FRMD6: variants seen among roughly 807,000 people sequenced by gnomAD.
FRMD6 encodes FERM domain containing 6.
In FRMD6, 37 loss-of-function variants were observed where a neutral mutation model predicts 73.2. The observed-to-expected ratio is 0.51, with a 90% CI of 0.39 to 0.66. The LOEUF (loss-of-function observed/expected upper bound fraction) is 0.66. FRMD6 is among the 30% of genes least tolerant of loss of function. The pLI is 0.00. For synonymous variants in FRMD6, 273 were observed against 282.2 expected, an observed-to-expected ratio of 0.97 and a Z score of 0.33; for missense variants, 714 against 780.5, an observed-to-expected ratio of 0.91 and a Z score of 1.02.
chr14:51,681,049 CA>C (rs1378854242), intron 1 of FRMD6, among the ~76,000 whole-genome samples: 1 of 152,156 alleles, frequency 6.6e-6, no homozygotes, highest in African/African-American at 2.4e-5. Context: ...CTCTTTATTG[CA>C]ATAGAAAGTT....
Position 51,651,951 on chromosome 14 carries a change from G to C in FRMD6, c.-192G>C, listed in dbSNP as rs1013112661. On this transcript the variant is annotated 5_prime_UTR_variant, in exon 1 of 14. Transcript: ENST00000344768. The stretch of plus-strand genomic sequence containing the variant: ...TCGGCGCCGGTAGGAAGAGTCAGAG[G>C]GGTGACCAGAGAGCCCAACGCCTGG... The C allele has an allele frequency of 1.5e-4, 23 of 152,242 alleles. No individual in the cohort carries two copies. The highest frequency in any genetic ancestry group is 5.3e-4 in the African/African-American group (22 of 41,426). The allele number at this position is 152,242 out of a possible 1,614,324, so 9.4% of individuals were successfully genotyped here.
In FRMD6 at chr14:51,539,861, G is replaced by C. The variant is rs554610007; in HGVS notation, c.-209-30487G>C. Reference sequence around the variant, plus strand: ...GGGTGGGGGGAGTAGAGGAAGGTGGGGAGTTGAAAAGATTCATTTACTTTC... The same window carrying C: ...GGGTGGGGGGAGTAGAGGAAGGTGGCGAGTTGAAAAGATTCATTTACTTTC... On this transcript the variant is annotated intron_variant, in intron 1 of 14. Coordinates refer to the FRMD6 transcript ENST00000356218. Among the ~76,000 whole-genome samples, 19 of 152,210 alleles carry C rather than the reference G, an allele frequency of 1.2e-4. No individual in the cohort carries two copies. In the South Asian group the frequency reaches 3.9e-3, roughly 32 times the overall value.
intron 1 of FRMD6, among the ~76,000 whole-genome samples, chr14:51,528,223 A>T (rs991412122): frequency 6.6e-6 from 1 of 152,198 alleles, no homozygotes; most frequent in Non-Finnish European, 1.5e-5. Flanking sequence ...GGAGTTGCCA[A>T]TTCCCACTTT....
upstream of FRMD6, chr14:51,651,558 G>C (rs1310172502): frequency 2.6e-5 from 4 of 152,298 alleles, no homozygotes; most frequent in African/African-American, 9.7e-5. Context: ...CTCCACAGCA[G>C]GGGGAAAGGC....
At position 51,641,294 on chromosome 14, in the gene FRMD6, T is replaced by TAAG. The variant is rs1318023602; in HGVS notation, c.-146-48395_-146-48393dup. Among the ~76,000 whole-genome samples the TAAG allele has an allele frequency of 2.0e-5, 3 of 152,218 alleles. No homozygotes were observed. The South Asian group carries it at 6.2e-4, about 32-fold the overall frequency. On this transcript the variant is annotated intron_variant, in intron 2 of 14. Coordinates refer to the FRMD6 transcript ENST00000356218. Reference sequence around the variant, plus strand: ...CCATGCCCTGCCTATTCTCCTCCTTTAAGACTTAATTTTTGTTCAATAAAT... The same window carrying TAAG: ...CCATGCCCTGCCTATTCTCCTCCTTTAAGAAGACTTAATTTTTGTTCAATAAAT...
At chr14:51,559,291 A>G (rs1395474047) in intron 1 of FRMD6, among the ~76,000 whole-genome samples, 1 of 152,226 alleles carries the variant, frequency 6.6e-6, no homozygotes, top group Non-Finnish European at 1.5e-5. Flanking sequence ...TTTAAAGGTC[A>G]TAATTTTTGC....
chr14:51,496,187 A>G (rs970841238), intron 1 of FRMD6, among the ~76,000 whole-genome samples: 1 of 152,182 alleles, frequency 6.6e-6, no homozygotes, highest in East Asian at 1.9e-4. Context: ...TGGTGGTGAC[A>G]GTGTTCCAAC....
chr14:51,512,303 A>G (rs541598756), intron 1 of FRMD6, among the ~76,000 whole-genome samples: 9 of 152,238 alleles, frequency 5.9e-5, no homozygotes, highest in Non-Finnish European at 1.2e-4. Flanking sequence ...AAAAATTATC[A>G]TAGGATCCCT....
At chr14:51,599,470 A>G (rs1889911164) in intron 2 of FRMD6, among the ~76,000 whole-genome samples, 1 of 152,236 alleles carries the variant, frequency 6.6e-6, no homozygotes, top group East Asian at 1.9e-4. Context: ...AGCAATTGCA[A>G]CAAAAACAAA....
intron 2 of FRMD6, among the ~76,000 whole-genome samples, chr14:51,640,546 C>T (rs190122649): frequency 2.0e-5 from 3 of 152,116 alleles, no homozygotes; most frequent in Middle Eastern, 3.2e-3. Flanking sequence ...GGAAATCAGG[C>T]AATATTTGAA....
intron 2 of FRMD6, among the ~76,000 whole-genome samples, chr14:51,612,665 C>T (rs954393467): frequency 6.6e-6 from 1 of 152,148 alleles, no homozygotes. Flanking sequence ...TTTTGCTCAT[C>T]ATGGAATAAG....
chr14:51,485,127 T>C (rs1882738260), upstream of FRMD6, among the ~76,000 whole-genome samples: 1 of 152,332 alleles, frequency 6.6e-6, no homozygotes, highest in South Asian at 2.1e-4. Context: ...GACAGTTGGC[T>C]TTTAAGGCGT....
At chr14:51,529,479 AGAGAGC>A (rs1322623179) in intron 1 of FRMD6, among the ~76,000 whole-genome samples, 1 of 152,228 alleles carries the variant, frequency 6.6e-6, no homozygotes, top group Non-Finnish European at 1.5e-5. Context: ...ACAGAGAGAG[AGAGAGC>A]GAGCACAACT....
the FRMD6 span, among the ~76,000 whole-genome samples, chr14:51,434,987 G>A: frequency 4.7e-3 from 721 of 152,212 alleles, 3 homozygotes; most frequent in Non-Finnish European, 8.1e-3. Flanking sequence ...ACTGTTGTGG[G>A]AGACAAAAAA....
In FRMD6 at chr14:51,721,954, G is replaced by C; in HGVS notation, c.1366G>C (p.Glu456Gln). ...LEEDLQDDEI[E>Q]MLVDDPRDLE... ...TTTTCCTTCTTCTGTGTCAGAAATA[G>C]AGATGTTGGTTGATGACCCCCGGGA... Residue 456 changes from glutamate to glutamine, a missense_variant, in exon 12 of 14, where the codon GAG (glutamate) becomes CAG (glutamine). By Grantham distance (29) the Glu-to-Gln change is conservative (BLOSUM62 2). Transcript: ENST00000344768. 6.2e-7 allele frequency: 1 copy of C among 1,614,042 alleles called. No individual in the cohort carries two copies. Among genetic ancestry groups the C allele is most frequent in the African/African-American group, 1.3e-5 (1 of 75,030 alleles).
At chr14:51,519,731 G>T (rs912111462) in intron 1 of FRMD6, among the ~76,000 whole-genome samples, 1 of 152,160 alleles carries the variant, frequency 6.6e-6, no homozygotes, top group African/African-American at 2.4e-5. Context: ...CAGTGAAGAA[G>T]ACTTTCTGTG....
Position 51,701,053 on chromosome 14 carries a change from C to T in FRMD6, c.191-3C>T, listed in dbSNP as rs1291697374. On this transcript the variant is annotated splice_polypyrimidine_tract_variant and splice_region_variant and intron_variant, in intron 3 of 13. Coordinates refer to ENST00000344768, the MANE Select transcript of FRMD6 (RefSeq NM_001267046.2). ...ATGTCGTCTCCTTTTTTTTAATGTA[C>T]AGATAATGAACATGTGTATATGGAG... 84 of 1,401,590 alleles carry T rather than the reference C, an allele frequency of 6.0e-5. No homozygotes were observed. Among genetic ancestry groups the T allele is most frequent in the Non-Finnish European group, 7.6e-5 (79 of 1,041,864 alleles). 86.8% of individuals were successfully genotyped at this position (1,401,590 alleles called of 1,614,324 possible).
At chr14:51,630,237 T>G (rs1048700544) in intron 2 of FRMD6, among the ~76,000 whole-genome samples, 2 of 152,064 alleles carry the variant, frequency 1.3e-5, no homozygotes, top group African/African-American at 4.8e-5. Flanking sequence ...ATACTAGATA[T>G]GAAATAAACA....
chr14:51,660,951 C>T (rs1893180445), intron 1 of FRMD6, among the ~76,000 whole-genome samples: 1 of 152,092 alleles, frequency 6.6e-6, no homozygotes. Context: ...GGGAGAAGGC[C>T]ACAGTGGTGG....
Sources: gnomAD v4.1 joint callset for allele counts (sites outside exome capture counted in the v4.1 genomes callset) on GRCh38, gnomAD v4.1.1 for gene constraint, MANE v1.5 for transcripts, NCBI Gene and HGNC (gene_info 2026-07-23, HGNC 2026-07-21) for gene names.